Variants in FBXL17 observed in about 807,000 individuals in gnomAD.
FBXL17 encodes F-box and leucine rich repeat protein 17.
FBXL17 carries 22 observed loss-of-function variants against 66.2 expected under a neutral mutation model. The observed-to-expected ratio is 0.33, with a 90% CI of 0.24 to 0.47. The LOEUF (loss-of-function observed/expected upper bound fraction) is 0.47. Among genes scored for constraint, FBXL17 ranks in the 20% least tolerant of loss-of-function variants. The pLI is 1.00. For synonymous variants in FBXL17, 474 were observed against 400.5 expected (o/e 1.18, Z -2.19); for missense variants, 878 against 948.2 (o/e 0.93, Z 0.97).
At chr5:108,144,833 A>G (rs1751495199) in intron 6 of FBXL17, among the ~76,000 whole-genome samples, 1 of 152,124 alleles carries the variant, frequency 6.6e-6, no homozygotes, top group Non-Finnish European at 1.5e-5. Context: ...CCAGTAAAAT[A>G]GAGCTCATGA....
At chr5:107,879,421 G>C in intron 8 of FBXL17, 1 of 985,458 alleles carries the variant, frequency 1.0e-6, no homozygotes, top group Non-Finnish European at 1.2e-6. Flanking sequence ...CATTAGGTTG[G>C]TTAGTGGAAA....
chr5:108,239,811 C>T (rs10055322), intron 4 of FBXL17, among the ~76,000 whole-genome samples: 116,906 of 151,422 alleles, frequency 0.77, 45,776 homozygotes, highest in East Asian at 0.93. Flanking sequence ...TCCTTCCTTC[C>T]GCTTGAAGAG....
intron 8 of FBXL17, among the ~76,000 whole-genome samples, chr5:107,874,389 T>C (rs1217995940): frequency 1.3e-5 from 2 of 152,206 alleles, no homozygotes; most frequent in African/African-American, 4.8e-5. Context: ...TTAACACTTA[T>C]TGAGTGCTTA....
intron 4 of FBXL17, among the ~76,000 whole-genome samples, chr5:108,293,078 ACT>A (rs1187503587): frequency 4.5e-5 from 6 of 134,286 alleles, no homozygotes; most frequent in Non-Finnish European, 7.8e-5. Context: ...ACAGAGCAAG[ACT>A]CTGTCTCAAA....
At chr5:108,036,465 A>T (rs1458759374) in intron 6 of FBXL17, among the ~76,000 whole-genome samples, 1 of 152,112 alleles carries the variant, frequency 6.6e-6, no homozygotes, top group Non-Finnish European at 1.5e-5. Flanking sequence ...CACTTTCTTC[A>T]TTTACATTCC....
chr5:107,906,671 A>T (rs1159340915), intron 7 of FBXL17, among the ~76,000 whole-genome samples: 2 of 152,200 alleles, frequency 1.3e-5, no homozygotes, highest in Non-Finnish European at 2.9e-5. Context: ...TAAAACTGAA[A>T]AAAGGACATA....
chr5:108,263,475 T>G lies in FBXL17; in HGVS notation c.1507-39247A>C, dbSNP rs1010242823. 9.2e-5 allele frequency among the ~76,000 whole-genome samples: 14 copies of G among 152,258 alleles called. 1 individual carries two copies. The South Asian group carries it at 2.7e-3, about 29-fold the overall frequency. ...TATAAACCCTAATGGGTCCATAAAT[T>G]TGGATGGAAAAATAATTACATGTTT... On this transcript the variant is annotated intron_variant, in intron 4 of 8. Coordinates refer to ENST00000542267, the MANE Select transcript of FBXL17 (RefSeq NM_001163315.3).
At chr5:108,262,205 T>C (rs1756864961) in intron 4 of FBXL17, among the ~76,000 whole-genome samples, 2 of 151,372 alleles carry the variant, frequency 1.3e-5, no homozygotes, top group African/African-American at 2.4e-5. Context: ...GCCTCCCAAA[T>C]AGCTAGGACT....
chr5:108,351,667 G>A (rs1006031034), intron 3 of FBXL17, among the ~76,000 whole-genome samples: 1 of 152,158 alleles, frequency 6.6e-6, no homozygotes, highest in Non-Finnish European at 1.5e-5. Flanking sequence ...GATTTTCTGA[G>A]TGCTAAAGCT....
At chr5:108,369,841 T>C (rs901301528) in intron 1 of FBXL17, among the ~76,000 whole-genome samples, 3 of 152,120 alleles carry the variant, frequency 2.0e-5, no homozygotes, top group Non-Finnish European at 4.4e-5. Flanking sequence ...AAGATATTAA[T>C]TTAAAGGAAT....
chr5:108,204,258 T>C (rs911775004), intron 5 of FBXL17, among the ~76,000 whole-genome samples: 1 of 152,148 alleles, frequency 6.6e-6, no homozygotes, highest in Non-Finnish European at 1.5e-5. Flanking sequence ...GGCATGATCA[T>C]GGCTCACAGT....
intron 4 of FBXL17, among the ~76,000 whole-genome samples, chr5:108,286,795 G>C (rs1370093753): frequency 6.6e-6 from 1 of 151,744 alleles, no homozygotes; most frequent in Non-Finnish European, 1.5e-5. Context: ...TTTTAAAATT[G>C]GTGTGGAACC....
rs974116630 is a variant in FBXL17 at position 108,381,314 on chromosome 5, G to A, written c.378C>T (p.Ala126=). The change falls in exon 1 of 9, where the codon GCC becomes GCT. Residue 126 remains alanine, a synonymous_variant. Transcript: ENST00000542267. ...AAGCCGAGGCGGCAGCGGCGGCGGC[G>A]GCGGCGGCCGAGGATAGCAGGAAGC... ...ARRFLLSSAA[A]AAAAAASASS... 4.3e-6 allele frequency: 6 copies of A among 1,396,292 alleles called. No individual in the cohort carries two copies. The South Asian group carries it at 4.6e-5, about 11-fold the overall frequency. 86.5% of individuals were successfully genotyped at this position (1,396,292 alleles called of 1,614,324 possible).
At chr5:108,252,362 TG>T (rs1349666472) in intron 4 of FBXL17, among the ~76,000 whole-genome samples, 1 of 152,194 alleles carries the variant, frequency 6.6e-6, no homozygotes, top group African/African-American at 2.4e-5. Flanking sequence ...AATGCATGAT[TG>T]AAGAAAAGTG....
intron 4 of FBXL17, among the ~76,000 whole-genome samples, chr5:108,239,300 T>C (rs1303496631): frequency 6.6e-6 from 1 of 152,172 alleles, no homozygotes; most frequent in Non-Finnish European, 1.5e-5. Flanking sequence ...AAAGAGGCAC[T>C]AAAGACAGCT....
chr5:108,076,757 C>G (rs1278915969), intron 6 of FBXL17, among the ~76,000 whole-genome samples: 1 of 152,162 alleles, frequency 6.6e-6, no homozygotes, highest in East Asian at 1.9e-4. Flanking sequence ...GACTGAGAGT[C>G]TGACACCTTT....
At chr5:108,310,460 C>A (rs545140018) in intron 4 of FBXL17, among the ~76,000 whole-genome samples, 2 of 152,086 alleles carry the variant, frequency 1.3e-5, no homozygotes, top group Admixed American at 6.6e-5. Flanking sequence ...TTAATGATCC[C>A]GTCAAGTTAT....
chr5:107,976,905 C>A (rs73204763), intron 7 of FBXL17, among the ~76,000 whole-genome samples: 18,289 of 152,200 alleles, frequency 0.12, 1,356 homozygotes, highest in East Asian at 0.2. Flanking sequence ...TATACTAAGA[C>A]AATGAGATAC....
chr5:108,262,112 T>G (rs1012157950), intron 4 of FBXL17, among the ~76,000 whole-genome samples: 1 of 149,842 alleles, frequency 6.7e-6, no homozygotes, highest in Non-Finnish European at 1.5e-5. Context: ...AGTCTCGCTC[T>G]GTCGCCCAGG....
Sources: gnomAD v4.1 joint callset for allele counts (sites outside exome capture counted in the v4.1 genomes callset) on GRCh38, gnomAD v4.1.1 for gene constraint, MANE v1.5 for transcripts, NCBI Gene and HGNC (gene_info 2026-07-23, HGNC 2026-07-21) for gene names.